The following CHD2 variants were observed in gnomAD, a reference collection of about 807,000 sequenced individuals.
CHD2 encodes ATP-dependent chromatin remodeler CHD2.
A neutral mutation model predicts 243.9 loss-of-function variants in CHD2; 28 were observed. The ratio of observed to expected loss-of-function variants is 0.11; its 90% CI spans 0.09 to 0.16. The LOEUF is 0.16. Among genes scored for constraint, CHD2 ranks in the 10% least tolerant of loss-of-function variants. The pLI, the probability that CHD2 is intolerant of heterozygous loss-of-function variation, is 1.00. For missense variants in CHD2, 1,386 were observed against 2,209.8 expected, an observed-to-expected ratio of 0.63 and a Z score of 7.47; for synonymous variants, 775 against 779.0, an observed-to-expected ratio of 0.99 and a Z score of 0.09.
At chr15:92,960,462 G>T (rs1348603265) in intron 16 of CHD2, among the ~76,000 whole-genome samples, 2 of 152,020 alleles carry the variant, frequency 1.3e-5, no homozygotes, top group Non-Finnish European at 2.9e-5. Context: ...TTCCTAGTTT[G>T]TGAGGTTTTA....
chr15:92,908,003 ATTTTTTTTTTT>A (rs71877681), intron 2 of CHD2, among the ~76,000 whole-genome samples: 1 of 107,642 alleles, frequency 9.3e-6, no homozygotes, highest in Non-Finnish European at 1.8e-5. Context: ...CTCTCTTAGA[ATTTTTTTTTTT>A]TTTTTTTTTT....
chr15:92,967,527 T>C lies in CHD2; in HGVS notation c.2189+14T>C, dbSNP rs1423106681. 8.1e-6 allele frequency: 13 copies of C among 1,611,530 alleles called. No individual in the cohort carries two copies. The highest frequency in any genetic ancestry group is 1.3e-5 in the African/African-American group (1 of 74,838). ...ACAGTATTACAAGTAAGTTCTTGTT[T>C]GGGTTAGGCCTGAAGGGGTTGAGAT... On this transcript the variant is annotated intron_variant, in intron 17 of 38. Coordinates refer to ENST00000394196, the MANE Select transcript of CHD2 (RefSeq NM_001271.4).
At chr15:92,960,751 G>T (rs1478345402) in intron 16 of CHD2, among the ~76,000 whole-genome samples, 2 of 105,492 alleles carry the variant, frequency 1.9e-5, no homozygotes, top group Non-Finnish European at 1.7e-5. Context: ...GTTTCCGTCT[G>T]TTGCCCAGGC....
intron 21 of CHD2, among the ~76,000 whole-genome samples, chr15:92,978,723 T>C (rs1445737932): frequency 6.6e-6 from 1 of 152,232 alleles, no homozygotes; most frequent in Non-Finnish European, 1.5e-5. Flanking sequence ...GGTTTGTTTT[T>C]ATTATACATG....
At chr15:92,926,691 G>A (rs906574349) in intron 3 of CHD2, among the ~76,000 whole-genome samples, 1 of 152,236 alleles carries the variant, frequency 6.6e-6, no homozygotes. Context: ...AGATGTGTTA[G>A]AGAAAGGGTG....
chr15:92,959,251 T>G (rs1364382236), intron 16 of CHD2, among the ~76,000 whole-genome samples: 1 of 152,220 alleles, frequency 6.6e-6, no homozygotes, highest in African/African-American at 2.4e-5. Context: ...GTTTATAGTG[T>G]GAAGTGTGAG....
At chr15:93,018,497 G>A (rs1474892294) in intron 37 of CHD2, among the ~76,000 whole-genome samples, 1 of 152,216 alleles carries the variant, frequency 6.6e-6, no homozygotes, top group Non-Finnish European at 1.5e-5. Flanking sequence ...TTTTCCATGA[G>A]GTCATAGGTT....
chr15:93,004,830 G>C (rs758854953), intron 34 of CHD2, 79 bp downstream of exon 34: 1 of 1,464,462 alleles, frequency 6.8e-7, no homozygotes, highest in Non-Finnish European at 9.3e-7. Context: ...GGTCCAGCCA[G>C]AGCTTCAGTT....
At chr15:93,013,963 AAAC>A (rs1013986456) in intron 36 of CHD2, among the ~76,000 whole-genome samples, 1 of 151,492 alleles carries the variant, frequency 6.6e-6, no homozygotes, top group African/African-American at 2.4e-5. Flanking sequence ...AAAATACAGA[AAAC>A]AAAAACATTC....
chr15:92,948,800 C>G, intron 12 of CHD2, 152 bp from the exon 13 acceptor site: 1 of 765,266 alleles, frequency 1.3e-6, no homozygotes, highest in Non-Finnish European at 2.0e-6. Context: ...GATTGGGCCA[C>G]TGCACTCCAG....
At chr15:92,905,898 C>T (rs912731238) in intron 2 of CHD2, among the ~76,000 whole-genome samples, 10 of 152,162 alleles carry the variant, frequency 6.6e-5, no homozygotes, top group African/African-American at 2.2e-4. Context: ...AATAATCTCA[C>T]CTCCCTTTTT....
At chr15:92,994,201 G>C (rs1272705604) in intron 28 of CHD2, among the ~76,000 whole-genome samples, 1 of 152,090 alleles carries the variant, frequency 6.6e-6, no homozygotes, top group Non-Finnish European at 1.5e-5. Flanking sequence ...ATAAGACTTT[G>C]GGCAAGTTAT....
At chr15:92,995,019 A>G (rs907582516) in intron 28 of CHD2, among the ~76,000 whole-genome samples, 2 of 152,242 alleles carry the variant, frequency 1.3e-5, no homozygotes, top group Non-Finnish European at 2.9e-5. Context: ...AAAAATGTTA[A>G]CATAATTACA....
intron 35 of CHD2, among the ~76,000 whole-genome samples, chr15:93,011,905 A>G (rs1288051850): frequency 6.6e-6 from 1 of 152,138 alleles, no homozygotes; most frequent in Admixed American, 6.5e-5. Context: ...GATTTGTGGT[A>G]GAGTCCAGAA....
At chr15:92,929,158 C>A in intron 5 of CHD2, 67 bp downstream of exon 5, 3 of 1,454,900 alleles carry the variant, frequency 2.1e-6, no homozygotes, top group East Asian at 2.5e-5. Flanking sequence ...TCTAGGACTG[C>A]CTTCGTTGTG....
At chr15:92,970,136 T>C (rs2053821925) in intron 17 of CHD2, among the ~76,000 whole-genome samples, 2 of 152,200 alleles carry the variant, frequency 1.3e-5, no homozygotes, top group Admixed American at 1.3e-4. Context: ...AAGCCTGGTA[T>C]GTTCAAAGAA....
chr15:92,994,491 A>G (rs1015353872), intron 28 of CHD2, among the ~76,000 whole-genome samples: 1 of 152,108 alleles, frequency 6.6e-6, no homozygotes, highest in Non-Finnish European at 1.5e-5. Flanking sequence ...TTATTTTAAG[A>G]TAATGTTCTT....
intron 16 of CHD2, among the ~76,000 whole-genome samples, chr15:92,958,167 T>G (rs191083951): frequency 6.6e-6 from 1 of 152,336 alleles, no homozygotes; most frequent in East Asian, 1.9e-4. Context: ...TGTTTAACAT[T>G]TTAGAAACTA....
At chr15:92,911,732 C>A (rs577126906) in intron 2 of CHD2, among the ~76,000 whole-genome samples, 2 of 152,040 alleles carry the variant, frequency 1.3e-5, no homozygotes, top group African/African-American at 4.8e-5. Context: ...GAGACTGTGT[C>A]CCCCCAACCC....
Sources: gnomAD v4.1 joint callset for allele counts (sites outside exome capture counted in the v4.1 genomes callset) on GRCh38, gnomAD v4.1.1 for gene constraint, MANE v1.5 for transcripts, NCBI Gene and HGNC (gene_info 2026-07-23, HGNC 2026-07-21) for gene names.